Variants in KCNIP4 observed in about 807,000 individuals in gnomAD.
The protein encoded by KCNIP4 is Kv channel-interacting protein 4.
Under a neutral mutation model 34.0 loss-of-function variants are expected in KCNIP4, and 12 were observed. The ratio of observed to expected loss-of-function variants is 0.35; its 90% CI spans 0.23 to 0.57. The LOEUF (loss-of-function observed/expected upper bound fraction) is 0.57. KCNIP4 is among the 20% of genes least tolerant of loss of function. The pLI, the probability that KCNIP4 is intolerant of heterozygous loss-of-function variation, is 0.83. For missense variants in KCNIP4, 238 were observed against 311.7 expected, an observed-to-expected ratio of 0.76 and a Z score of 1.78; for synonymous variants, 124 against 102.2, an observed-to-expected ratio of 1.21 and a Z score of -1.29.
intron 1 of KCNIP4, among the ~76,000 whole-genome samples, chr4:21,333,983 T>A (rs1715910953): frequency 6.6e-6 from 1 of 152,146 alleles, no homozygotes; most frequent in Admixed American, 6.6e-5. Context: ...TTTTCCTAAG[T>A]GTGCTAAATT....
At chr4:21,414,138 T>C (rs987238676) in intron 1 of KCNIP4, among the ~76,000 whole-genome samples, 1 of 151,790 alleles carries the variant, frequency 6.6e-6, no homozygotes, top group African/African-American at 2.4e-5. Context: ...ATATGTTCTA[T>C]GAAAAAAAAA....
chr4:20,962,326 C>A (rs547075731), intron 1 of KCNIP4, among the ~76,000 whole-genome samples: 6 of 152,332 alleles, frequency 3.9e-5, no homozygotes, highest in Admixed American at 3.3e-4. Flanking sequence ...GACTGGGAGG[C>A]TGAGTCTGCC....
chr4:21,118,677 C>A (rs1749894633), intron 1 of KCNIP4, among the ~76,000 whole-genome samples: 1 of 151,972 alleles, frequency 6.6e-6, no homozygotes, highest in South Asian at 2.1e-4. Context: ...GGTGGTGGTG[C>A]GGATGCTGTT....
chr4:20,884,216 T>C (rs577120568), intron 1 of KCNIP4, among the ~76,000 whole-genome samples: 1 of 152,304 alleles, frequency 6.6e-6, no homozygotes, highest in South Asian at 2.1e-4. Context: ...AGTAAGCTTT[T>C]TAAAAATTTT....
At chr4:21,813,923 C>T (rs942855012) in intron 1 of KCNIP4, among the ~76,000 whole-genome samples, 19 of 152,136 alleles carry the variant, frequency 1.2e-4, no homozygotes, top group Admixed American at 1.2e-3. Flanking sequence ...AGATCTGAGA[C>T]AGCTCTGAAT....
chr4:21,389,621 G>T (rs1722356233), intron 1 of KCNIP4, among the ~76,000 whole-genome samples: 1 of 151,782 alleles, frequency 6.6e-6, no homozygotes, highest in East Asian at 1.9e-4. Context: ...TCCCTACAAA[G>T]GCCATGAACT....
intron 1 of KCNIP4, among the ~76,000 whole-genome samples, chr4:21,492,831 T>C (rs1732526928): frequency 6.6e-6 from 1 of 152,192 alleles, no homozygotes. Context: ...AAATACAGTC[T>C]AATAAACATT....
At chr4:21,279,370 C>G (rs1355528673) in intron 1 of KCNIP4, among the ~76,000 whole-genome samples, 1 of 151,786 alleles carries the variant, frequency 6.6e-6, no homozygotes, top group Non-Finnish European at 1.5e-5. Context: ...TTTAAAAGTT[C>G]ATGTAGTACT....
intron 1 of KCNIP4, among the ~76,000 whole-genome samples, chr4:21,513,856 CT>C (rs1734539984): frequency 6.6e-6 from 1 of 152,148 alleles, no homozygotes; most frequent in South Asian, 2.1e-4. Context: ...TTAGTCCACT[CT>C]GTTGGGTCTA....
chr4:21,414,874 G>A (rs916624104), intron 1 of KCNIP4, among the ~76,000 whole-genome samples: 5 of 151,726 alleles, frequency 3.3e-5, no homozygotes, highest in South Asian at 4.2e-4. Context: ...ATTTTGATAC[G>A]GGCATACAAT....
intron 1 of KCNIP4, among the ~76,000 whole-genome samples, chr4:21,765,057 G>A (rs925140258): frequency 2.0e-5 from 3 of 152,000 alleles, no homozygotes; most frequent in African/African-American, 4.8e-5. Context: ...CTCTCAGGGA[G>A]TATACACTGT....
At chr4:21,797,568 G>A (rs2109245909) in intron 1 of KCNIP4, among the ~76,000 whole-genome samples, 1 of 151,866 alleles carries the variant, frequency 6.6e-6, no homozygotes, top group Non-Finnish European at 1.5e-5. Context: ...AATTTTATTT[G>A]AGTTTTCCAC....
At chr4:20,793,348 A>G (rs1296211911) in intron 3 of KCNIP4, among the ~76,000 whole-genome samples, 1 of 152,206 alleles carries the variant, frequency 6.6e-6, no homozygotes, top group Non-Finnish European at 1.5e-5. Flanking sequence ...GAAACTGCAA[A>G]TTAGTCATGC....
In KCNIP4 at chr4:20,939,782, C is replaced by T. The variant is rs185079531; in HGVS notation, c.62-57073G>A. Among the ~76,000 whole-genome samples, 28 of 152,234 alleles carry T rather than the reference C, an allele frequency of 1.8e-4. No homozygotes were observed. The East Asian group carries it at 2.7e-3, about 15-fold the overall frequency. Reference sequence around the variant, plus strand: ...CACACTGGAAGCATCTTGGACCATCCGCAACCAGGCTTTCAACAAATCACC... The same window carrying T: ...CACACTGGAAGCATCTTGGACCATCTGCAACCAGGCTTTCAACAAATCACC... On this transcript the variant is annotated intron_variant, in intron 1 of 8. Coordinates refer to ENST00000382152, the MANE Select transcript of KCNIP4 (RefSeq NM_025221.6).
intron 1 of KCNIP4, among the ~76,000 whole-genome samples, chr4:21,725,565 A>G (rs1001095182): frequency 2.0e-5 from 3 of 152,150 alleles, no homozygotes; most frequent in Non-Finnish European, 4.4e-5. Context: ...GATGGAGAGG[A>G]TTACTGCTTT....
chr4:21,661,922 C>T (rs987282888), intron 1 of KCNIP4, among the ~76,000 whole-genome samples: 6 of 152,222 alleles, frequency 3.9e-5, no homozygotes, highest in South Asian at 2.1e-4. Flanking sequence ...TAGCTTAGAT[C>T]GGAACTATAT....
At chr4:21,664,456 T>C (rs1337870321) in intron 1 of KCNIP4, among the ~76,000 whole-genome samples, 1 of 151,992 alleles carries the variant, frequency 6.6e-6, no homozygotes, top group Non-Finnish European at 1.5e-5. Context: ...ATTATTCCCA[T>C]AGCATATTTA....
At chr4:21,242,341 T>C (rs959923995) in intron 1 of KCNIP4, among the ~76,000 whole-genome samples, 11 of 152,242 alleles carry the variant, frequency 7.2e-5, no homozygotes, top group Middle Eastern at 3.4e-3. Flanking sequence ...CTGTAAACAC[T>C]GCACTTAGTT....
At chr4:21,812,962 C>T (rs921380) in intron 1 of KCNIP4, among the ~76,000 whole-genome samples, 57,306 of 152,004 alleles carry the variant, frequency 0.38, 11,917 homozygotes, top group East Asian at 0.64. Flanking sequence ...CCCGTACCTA[C>T]GTCCAGTCTT....
Sources: gnomAD v4.1 joint callset for allele counts (sites outside exome capture counted in the v4.1 genomes callset) on GRCh38, gnomAD v4.1.1 for gene constraint, MANE v1.5 for transcripts, NCBI Gene and HGNC (gene_info 2026-07-23, HGNC 2026-07-21) for gene names.